RERG: variants seen among roughly 807,000 people sequenced by gnomAD.
RERG encodes the protein RAS like estrogen regulated growth inhibitor, also known as ras-related and estrogen-regulated growth inhibitor.
RERG carries 25 observed loss-of-function variants against 23.2 expected under a neutral mutation model. That is an observed-to-expected ratio of 1.08 (90% CI 0.79 to 1.50). RERG has a LOEUF of 1.50. RERG is among the 40% of genes most tolerant of loss of function. The probability of loss-of-function intolerance (pLI) is 0.00; values close to 1 mark genes in which losing one functional copy is unlikely to be tolerated. For synonymous variants in RERG, 81 were observed against 89.1 expected (o/e 0.91, Z 0.51); for missense variants, 253 against 250.1 (o/e 1.01, Z -0.08).
Position 15,108,984 on chromosome 12 carries a change from A to G in RERG, c.*126T>C. 1 of 1,033,874 alleles carries G rather than the reference A, an allele frequency of 9.7e-7. No individual in the cohort carries two copies. The highest frequency in any genetic ancestry group is 1.7e-5 in the South Asian group (1 of 60,250). The allele number at this position is 1,033,874 out of a possible 1,614,324, so 64.0% of individuals were successfully genotyped here. ...AACTTCCCAACCTATTAGAGGCCAG[A>G]AACAATGGGAAGCCCAGACATTTCT... is the stretch of plus-strand genomic sequence containing the variant. On this transcript the variant is annotated 3_prime_UTR_variant, in exon 5 of 5. Coordinates refer to ENST00000256953, the MANE Select transcript of RERG (RefSeq NM_032918.3).
chr12:15,119,107 G>A (rs1863784989), intron 3 of RERG, among the ~76,000 whole-genome samples: 1 of 152,046 alleles, frequency 6.6e-6, no homozygotes, highest in South Asian at 2.1e-4. Flanking sequence ...AATTAATGAA[G>A]CCCTCACCTG....
intron 2 of RERG, among the ~76,000 whole-genome samples, chr12:15,181,474 T>C (rs185594170): frequency 3.2e-4 from 49 of 152,306 alleles, no homozygotes; most frequent in African/African-American, 1.1e-3. Context: ...GTGTAGGGTG[T>C]TGGCAGCCTG....
At position 15,215,199 on chromosome 12, in the gene RERG, T is replaced by C. The variant is rs116216633; in HGVS notation, c.61+2230A>G. ...TTAGTGAGCAATTTCAACCTGTGCATTTTACATAAAATAAAATTCAGGTCA... is the reference window on the plus strand; with the variant it reads ...TTAGTGAGCAATTTCAACCTGTGCACTTTACATAAAATAAAATTCAGGTCA... On this transcript the variant is annotated intron_variant, in intron 2 of 4. Transcript: ENST00000256953. Among the ~76,000 whole-genome samples the C allele has an allele frequency of 4.9e-3, 746 of 152,320 alleles. 7 individuals are homozygous for C. Among genetic ancestry groups the C allele is most frequent in the African/African-American group, 0.017 (714 of 41,578 alleles).
chr12:15,185,398 T>G (rs1195267056), intron 2 of RERG, among the ~76,000 whole-genome samples: 3 of 151,962 alleles, frequency 2.0e-5, no homozygotes, highest in Non-Finnish European at 4.4e-5. Context: ...ACAGAGAAGC[T>G]CTTTAGGGAG....
intron 2 of RERG, among the ~76,000 whole-genome samples, chr12:15,195,903 G>T (rs1011736961): frequency 3.3e-5 from 5 of 152,100 alleles, no homozygotes; most frequent in African/African-American, 1.2e-4. Context: ...CACTCCACCA[G>T]CTGCTTTTGT....
chr12:15,148,459 C>T (rs1565519325), intron 2 of RERG, among the ~76,000 whole-genome samples: 3 of 152,190 alleles, frequency 2.0e-5, no homozygotes, highest in African/African-American at 7.2e-5. Context: ...TGCTGGTCAG[C>T]TACAGTGAGC....
intron 3 of RERG, 149 bp from the exon 4 acceptor site, chr12:15,111,566 C>T: frequency 5.0e-6 from 3 of 599,536 alleles, no homozygotes; most frequent in Non-Finnish European, 8.6e-6. Context: ...GAGAGATGTG[C>T]AAAAATGTAG....
At chr12:15,153,014 T>C (rs1193820358) in intron 2 of RERG, among the ~76,000 whole-genome samples, 1 of 152,218 alleles carries the variant, frequency 6.6e-6, no homozygotes, top group Non-Finnish European at 1.5e-5. Flanking sequence ...TTATAAGTCA[T>C]CACTCCTAAT....
At chr12:15,181,741 G>C (rs540061471) in intron 2 of RERG, among the ~76,000 whole-genome samples, 2 of 152,180 alleles carry the variant, frequency 1.3e-5, no homozygotes, top group African/African-American at 4.8e-5. Flanking sequence ...GAAGGCAAAC[G>C]ACTAAAGCCT....
intron 2 of RERG, among the ~76,000 whole-genome samples, chr12:15,168,019 A>T (rs1864721224): frequency 6.6e-6 from 1 of 152,148 alleles, no homozygotes; most frequent in Non-Finnish European, 1.5e-5. Flanking sequence ...CTGGCTTATG[A>T]TTGCCTCTCA....
At chr12:15,151,377 C>T (rs867110937) in intron 2 of RERG, among the ~76,000 whole-genome samples, 85 of 152,184 alleles carry the variant, frequency 5.6e-4, no homozygotes, top group African/African-American at 2.0e-3. Flanking sequence ...ATAAACATAC[C>T]CAAGCCAAGT....
chr12:15,200,867 T>C (rs1865206174), intron 2 of RERG, among the ~76,000 whole-genome samples: 1 of 151,916 alleles, frequency 6.6e-6, no homozygotes, highest in East Asian at 1.9e-4. Flanking sequence ...ATCCTCCCTT[T>C]CCACTGAGGA....
intron 2 of RERG, among the ~76,000 whole-genome samples, chr12:15,174,143 A>G (rs1263953378): frequency 6.6e-6 from 1 of 152,016 alleles, no homozygotes; most frequent in African/African-American, 2.4e-5. Flanking sequence ...TTTGTCTGGT[A>G]GTGTTTAATT....
intron 2 of RERG, among the ~76,000 whole-genome samples, chr12:15,168,100 T>A (rs550135861): frequency 4.4e-4 from 67 of 152,320 alleles, no homozygotes; most frequent in Middle Eastern, 3.4e-3. Context: ...GCTTTAATAG[T>A]ACATTCCATC....
chr12:15,161,997 G>C (rs1283024871), intron 2 of RERG, among the ~76,000 whole-genome samples: 1 of 152,194 alleles, frequency 6.6e-6, no homozygotes, highest in Non-Finnish European at 1.5e-5. Flanking sequence ...CTGGTAAGGA[G>C]ATTCGAGAGC....
intron 3 of RERG, among the ~76,000 whole-genome samples, chr12:15,115,117 A>T: frequency 6.6e-6 from 1 of 151,860 alleles, no homozygotes; most frequent in South Asian, 2.1e-4. Flanking sequence ...TAAATATATA[A>T]AAGTTATTTA....
chr12:15,153,378 T>C (rs962668533), intron 2 of RERG, among the ~76,000 whole-genome samples: 2 of 152,176 alleles, frequency 1.3e-5, no homozygotes, highest in African/African-American at 4.8e-5. Flanking sequence ...ATGTTTGAAA[T>C]TGATGATCTT....
At chr12:15,118,120 C>T (rs368126152) in intron 3 of RERG, among the ~76,000 whole-genome samples, 26 of 152,160 alleles carry the variant, frequency 1.7e-4, no homozygotes, top group African/African-American at 3.9e-4. Context: ...GCAAGTGGAG[C>T]GTAGGTTTAG....
chr12:15,210,318 C>T (rs904668067), intron 2 of RERG, among the ~76,000 whole-genome samples: 1 of 152,108 alleles, frequency 6.6e-6, no homozygotes, highest in Non-Finnish European at 1.5e-5. Flanking sequence ...AGAAACATTG[C>T]AATGAATAAA....
Sources: gnomAD v4.1 joint callset for allele counts (sites outside exome capture counted in the v4.1 genomes callset) on GRCh38, gnomAD v4.1.1 for gene constraint, MANE v1.5 for transcripts, NCBI Gene and HGNC (gene_info 2026-07-23, HGNC 2026-07-21) for gene names.